The following JAKMIP1 variants were observed in gnomAD, a reference collection of about 807,000 sequenced individuals.
The protein encoded by JAKMIP1 is janus kinase and microtubule interacting protein 1, also known as janus kinase and microtubule-interacting protein 1.
A neutral mutation model predicts 113.0 loss-of-function variants in JAKMIP1; 33 were observed. The ratio of observed to expected loss-of-function variants is 0.29; its 90% CI spans 0.22 to 0.39. The LOEUF (loss-of-function observed/expected upper bound fraction) is 0.39. Among genes scored for constraint, JAKMIP1 ranks in the 10% least tolerant of loss-of-function variants. JAKMIP1 has a pLI of 1.00. For synonymous variants in JAKMIP1, 480 were observed against 459.9 expected (o/e 1.04, Z -0.56); for missense variants, 813 against 1,080.5 (o/e 0.75, Z 3.47).
At chr4:6,120,340 T>G (rs995340024) in intron 1 of JAKMIP1, among the ~76,000 whole-genome samples, 3 of 152,206 alleles carry the variant, frequency 2.0e-5, no homozygotes, top group Non-Finnish European at 4.4e-5. Context: ...CGCAGTAATA[T>G]GCTTCCTGGA....
intron 1 of JAKMIP1, among the ~76,000 whole-genome samples, chr4:6,134,830 C>G (rs1024813087): frequency 2.0e-5 from 3 of 152,222 alleles, no homozygotes; most frequent in Non-Finnish European, 4.4e-5. Context: ...GCCACATCCT[C>G]TCTCCCCCAC....
At chr4:6,172,210 G>C (rs1036691549) in intron 1 of JAKMIP1, among the ~76,000 whole-genome samples, 2 of 152,216 alleles carry the variant, frequency 1.3e-5, no homozygotes, top group African/African-American at 4.8e-5. Flanking sequence ...TCAGGGCAAA[G>C]GATGCTTTCC....
intron 3 of JAKMIP1, among the ~76,000 whole-genome samples, chr4:6,098,810 G>A (rs1712509749): frequency 6.6e-6 from 1 of 152,214 alleles, no homozygotes; most frequent in South Asian, 2.1e-4. Context: ...TGCTCGAGAA[G>A]GCTGGCTCCT....
rs1274904758 is a variant in JAKMIP1, at chr4:6,064,793, G to T, written c.1431+87C>A. 5 of 1,556,772 alleles carry T rather than the reference G, an allele frequency of 3.2e-6. No individual in the cohort carries two copies. Among genetic ancestry groups the T allele is most frequent in the Non-Finnish European group, 3.5e-6 (4 of 1,134,680 alleles). Reference sequence around the variant, plus strand: ...CTGGGGTTCAGAACTATAGGCAAGGGAGCGAAACTTGCAACTATCAAAAGC... The same window carrying T: ...CTGGGGTTCAGAACTATAGGCAAGGTAGCGAAACTTGCAACTATCAAAAGC... On this transcript the variant is annotated intron_variant, in intron 9 of 20. Coordinates refer to ENST00000409021, the MANE Select transcript of JAKMIP1 (RefSeq NM_001099433.2). The surrounding 1 kb of genome is among the most constrained non-coding windows in gnomAD (Gnocchi z 4.3).
chr4:6,125,870 C>A (rs1717437000), intron 1 of JAKMIP1, among the ~76,000 whole-genome samples: 1 of 8,496 alleles, frequency 1.2e-4, no homozygotes, highest in Admixed American at 1.4e-3. Flanking sequence ...AAACTCGCGC[C>A]ATACACTCCA....
chr4:6,098,816 C>T (rs182180592), intron 3 of JAKMIP1, among the ~76,000 whole-genome samples: 2 of 152,184 alleles, frequency 1.3e-5, no homozygotes, highest in Admixed American at 1.3e-4. Context: ...AGAAGGCTGG[C>T]TCCTGCCGCT....
At chr4:6,117,978 T>A (rs1383232646) in intron 1 of JAKMIP1, among the ~76,000 whole-genome samples, 2 of 152,170 alleles carry the variant, frequency 1.3e-5, no homozygotes, top group Non-Finnish European at 2.9e-5. Flanking sequence ...TGCTGTACAA[T>A]TTGTGTAGTT....
In JAKMIP1 at chr4:6,196,679, T is replaced by A. The variant is rs148186341; in HGVS notation, c.-148+3574A>T. ...TTTGAGACCAGCCTGGTTAACATGG[T>A]GAAACCCTGTCTCTACTAAAAATAC... is the stretch of plus-strand genomic sequence containing the variant. On this transcript the variant is annotated intron_variant, in intron 1 of 20. Coordinates refer to ENST00000409021, the MANE Select transcript of JAKMIP1 (RefSeq NM_001099433.2). 2.9e-4 allele frequency among the ~76,000 whole-genome samples: 44 copies of A among 152,192 alleles called. No individual in the cohort carries two copies. The East Asian group carries it at 8.3e-3, about 29-fold the overall frequency.
chr4:6,054,007 T>C (rs1252918388), intron 13 of JAKMIP1, 43 bp downstream of exon 13: 1 of 1,614,176 alleles, frequency 6.2e-7, no homozygotes, highest in Admixed American at 1.7e-5. Flanking sequence ...TCAAAGAGAA[T>C]GTCTGCTCCG....
Position 6,156,912 on chromosome 4 carries a change from A to C in JAKMIP1, c.-148+43341T>G, listed in dbSNP as rs570066827. 2.8e-4 allele frequency among the ~76,000 whole-genome samples: 42 copies of C among 152,356 alleles called. No individual in the cohort carries two copies. Among genetic ancestry groups the C allele is most frequent in the African/African-American group, 9.6e-4 (40 of 41,580 alleles). On this transcript the variant is annotated intron_variant, in intron 1 of 20. Coordinates refer to ENST00000409021, the MANE Select transcript of JAKMIP1 (RefSeq NM_001099433.2). This position sits in a 1 kb window ranked among gnomAD's most constrained non-coding sequence, Gnocchi z 5.0. Reference sequence around the variant, plus strand: ...CAACAGCCACAGCCCTGAATTTTCTATAACAAGTTCCATGGCTAGTGGTTT... The same window carrying C: ...CAACAGCCACAGCCCTGAATTTTCTCTAACAAGTTCCATGGCTAGTGGTTT...
rs9990790 is a variant in JAKMIP1, at chr4:6,059,878, G to C, written c.1644+546C>G. Among the ~76,000 whole-genome samples the C allele has an allele frequency of 0.24, 36,997 of 151,888 alleles. 6,276 individuals are homozygous for C. Among genetic ancestry groups the C allele is most frequent in the African/African-American group, 0.48 (19,979 of 41,374 alleles). ...CCTCTCTGGCTCCCCCACTCCAGGGGACAGGTCTAGGCCCAGGCATTGCTT... is the reference window on the plus strand; with the variant it reads ...CCTCTCTGGCTCCCCCACTCCAGGGCACAGGTCTAGGCCCAGGCATTGCTT... On this transcript the variant is annotated intron_variant, in intron 11 of 20. Coordinates refer to ENST00000409021, the MANE Select transcript of JAKMIP1 (RefSeq NM_001099433.2). This position sits in a 1 kb window ranked among gnomAD's most constrained non-coding sequence, Gnocchi z 4.8.
In JAKMIP1 at chr4:6,061,975, G is replaced by A. The variant is rs941220387; in HGVS notation, c.1560+337C>T. 1.3e-5 allele frequency among the ~76,000 whole-genome samples: 2 copies of A among 152,216 alleles called. No homozygotes were observed. The highest frequency in any genetic ancestry group is 4.8e-5 in the African/African-American group (2 of 41,464). ...TGGAGGGCGGGGGGCTGGCAGCCCTGGAGGGAGCGGAGCCTGAAGCCTGCA... is the reference window on the plus strand; with the variant it reads ...TGGAGGGCGGGGGGCTGGCAGCCCTAGAGGGAGCGGAGCCTGAAGCCTGCA... On this transcript the variant is annotated intron_variant, in intron 10 of 20. Coordinates refer to ENST00000409021, the MANE Select transcript of JAKMIP1 (RefSeq NM_001099433.2). This position sits in a 1 kb window ranked among gnomAD's most constrained non-coding sequence, Gnocchi z 5.3.
In JAKMIP1 at chr4:6,088,161, G is replaced by A. The variant is rs1560166193; in HGVS notation, c.625-2532C>T. On this transcript the variant is annotated intron_variant, in intron 3 of 20. Transcript: ENST00000409021. This position sits in a 1 kb window ranked among gnomAD's most constrained non-coding sequence, Gnocchi z 5.5. Reference sequence around the variant, plus strand: ...CTGAGAAACATTAGAGAGCAAAAGAGACCAGCCGCCCTGCCCTAGGGGCTT... The same window carrying A: ...CTGAGAAACATTAGAGAGCAAAAGAAACCAGCCGCCCTGCCCTAGGGGCTT... Among the ~76,000 whole-genome samples the A allele has an allele frequency of 1.3e-5, 2 of 152,230 alleles. No homozygotes were observed. The highest frequency in any genetic ancestry group is 2.9e-5 in the Non-Finnish European group (2 of 68,042).
chr4:6,042,055 T>G lies in JAKMIP1; in HGVS notation c.2097+104A>C, dbSNP rs1379895804. The G allele has an allele frequency of 1.1e-6, 1 of 921,866 alleles. No individual in the cohort carries two copies. Among genetic ancestry groups the G allele is most frequent in the Non-Finnish European group, 1.7e-6 (1 of 578,314 alleles). 57.1% of individuals were successfully genotyped at this position (921,866 alleles called of 1,614,324 possible). ...CTGGGGCAAAAGCAAAATTGAGAAATGCATGCAAATCATTAGGAAAACACA... is the reference window on the plus strand; with the variant it reads ...CTGGGGCAAAAGCAAAATTGAGAAAGGCATGCAAATCATTAGGAAAACACA... On this transcript the variant is annotated intron_variant, in intron 17 of 20. Transcript: ENST00000409021. The surrounding 1 kb of genome is among the most constrained non-coding windows in gnomAD (Gnocchi z 5.2).
intron 2 of JAKMIP1, among the ~76,000 whole-genome samples, chr4:6,111,032 G>A (rs976952271): frequency 1.2e-4 from 19 of 152,102 alleles, no homozygotes; most frequent in African/African-American, 4.3e-4. Context: ...CCTAGGGATG[G>A]AGACAGGTGC....
At position 6,135,757 on chromosome 4, in the gene JAKMIP1, C is replaced by T. The variant is rs1431441434; in HGVS notation, c.-147-22760G>A. Among the ~76,000 whole-genome samples the T allele has an allele frequency of 2.0e-5, 3 of 152,180 alleles. No individual in the cohort carries two copies. Among genetic ancestry groups the T allele is most frequent in the African/African-American group, 7.2e-5 (3 of 41,438 alleles). The stretch of plus-strand genomic sequence containing the variant: ...CAGCCTGGACTTGAACCCAAGCCTT[C>T]TAAGGCCCATCCCACTGGTTCTTCC... On this transcript the variant is annotated intron_variant, in intron 1 of 20. Transcript: ENST00000409021. This position sits in a 1 kb window ranked among gnomAD's most constrained non-coding sequence, Gnocchi z 4.9.
intron 1 of JAKMIP1, among the ~76,000 whole-genome samples, chr4:6,132,295 T>C (rs968218003): frequency 6.6e-6 from 1 of 152,174 alleles, no homozygotes; most frequent in Admixed American, 6.5e-5. Flanking sequence ...AAAAGTTTTT[T>C]AAAAAGTACA....
Position 6,088,921 on chromosome 4 carries a change from C to T in JAKMIP1, c.625-3292G>A, listed in dbSNP as rs1468471200. 6.6e-6 allele frequency among the ~76,000 whole-genome samples: 1 copy of T among 152,216 alleles called. No homozygotes were observed. The highest frequency in any genetic ancestry group is 2.4e-5 in the African/African-American group (1 of 41,460). ...AGTAGGAAAGGGGTGGAACGAACAT[C>T]ACTGCAAGTTCCCAGGGCAGTCCCC... On this transcript the variant is annotated intron_variant, in intron 3 of 20. Coordinates refer to ENST00000409021, the MANE Select transcript of JAKMIP1 (RefSeq NM_001099433.2). The surrounding 1 kb of genome is among the most constrained non-coding windows in gnomAD (Gnocchi z 5.5).
At chr4:6,115,548 C>T (rs184094026) in intron 1 of JAKMIP1, among the ~76,000 whole-genome samples, 81 of 152,310 alleles carry the variant, frequency 5.3e-4, no homozygotes, top group African/African-American at 1.7e-3. Context: ...CCTGGGGATA[C>T]GGTGGAAAGG....
Sources: allele counts gnomAD v4.1 joint callset (sites outside exome capture counted in the v4.1 genomes callset), GRCh38; gene constraint gnomAD v4.1.1; non-coding constraint Gnocchi (gnomAD v3.1); transcripts MANE v1.5; gene names NCBI Gene and HGNC (gene_info 2026-07-23, HGNC 2026-07-21).